Variants in SPATA6L observed in about 807,000 individuals in gnomAD.
SPATA6L encodes the protein spermatogenesis associated 6 like.
In SPATA6L, 68 loss-of-function variants were observed where a neutral mutation model predicts 49.2. That is an observed-to-expected ratio of 1.38 (90% confidence interval 1.14 to 1.69). The LOEUF is 1.69. Ranked by LOEUF, SPATA6L falls within the 40% of genes most tolerant of loss-of-function variation. SPATA6L has a pLI of 0.00. For synonymous variants in SPATA6L, 198 were observed against 165.7 expected (o/e 1.19, Z -1.50); for missense variants, 668 against 464.3 (o/e 1.44, Z -4.03).
chr9:4,658,706 T>G (rs1838876953), intron 2 of SPATA6L, among the ~76,000 whole-genome samples: 1 of 152,124 alleles, frequency 6.6e-6, no homozygotes, highest in Non-Finnish European at 1.5e-5. Flanking sequence ...TTAAAGACTT[T>G]TACAGGCCAG....
rs193091207 is a variant in SPATA6L, at chr9:4,601,543, G to A, written c.*2-734C>T. On this transcript the variant is annotated intron_variant, in intron 11 of 11. Coordinates refer to ENST00000682582, the MANE Select transcript of SPATA6L (RefSeq NM_001353486.2). ...TCTTCCACCCATTCTCTCCCTCTAC[G>A]TGGTCAGACAATGGGACTCATTGTT... 4.5e-3 allele frequency among the ~76,000 whole-genome samples: 683 copies of A among 152,152 alleles called. 1 individual carries two copies. Among genetic ancestry groups the A allele is most frequent in the Non-Finnish European group, 4.9e-3 (333 of 67,996 alleles).
At chr9:4,597,812 C>T (rs1448026293), downstream of SPATA6L, among the ~76,000 whole-genome samples, 7 of 152,160 alleles carry the variant, frequency 4.6e-5, no homozygotes, top group Non-Finnish European at 7.3e-5. Flanking sequence ...CAGTCCCATC[C>T]GGTGGTACTA....
intron 5 of SPATA6L, chr9:4,627,078 AACAG>A (rs1433754201): frequency 2.6e-5 from 4 of 152,358 alleles, no homozygotes. Context: ...GGGAAAAAAA[AACAG>A]ACAGTGTGGT....
intron 3 of SPATA6L, among the ~76,000 whole-genome samples, chr9:4,636,546 G>C (rs1832844103): frequency 6.6e-6 from 1 of 152,130 alleles, no homozygotes; most frequent in Admixed American, 6.6e-5. Context: ...ACTGAGAGTG[G>C]TCCCCGCACA....
intron 3 of SPATA6L, among the ~76,000 whole-genome samples, chr9:4,649,254 T>A (rs945968483): frequency 6.6e-6 from 1 of 152,214 alleles, no homozygotes; most frequent in East Asian, 1.9e-4. Context: ...AGCAGTGGGA[T>A]TGCTGGATCA....
chr9:4,656,413 T>C (rs1838197688), intron 2 of SPATA6L, among the ~76,000 whole-genome samples: 1 of 139,810 alleles, frequency 7.2e-6, no homozygotes, highest in Non-Finnish European at 1.5e-5. Flanking sequence ...CATTCCAGCA[T>C]GGGAGAAAGA....
At chr9:4,611,677 G>C (rs1199756092) in intron 9 of SPATA6L, among the ~76,000 whole-genome samples, 2 of 149,656 alleles carry the variant, frequency 1.3e-5, no homozygotes, top group East Asian at 2.0e-4. Flanking sequence ...AGGGATAGCA[G>C]TGGGAGATAC....
downstream of SPATA6L, among the ~76,000 whole-genome samples, chr9:4,598,309 A>C (rs1372330169): frequency 6.6e-6 from 1 of 152,228 alleles, no homozygotes; most frequent in African/African-American, 2.4e-5. Flanking sequence ...AGCAAGACAG[A>C]TGGGAATTCT....
At chr9:4,612,356 T>C (rs898862501) in intron 9 of SPATA6L, among the ~76,000 whole-genome samples, 3 of 152,156 alleles carry the variant, frequency 2.0e-5, no homozygotes, top group Admixed American at 6.6e-5. Context: ...AACTGAACCA[T>C]AGGTTTGACA....
rs765538292 is a variant in SPATA6L at position 4,662,897 on chromosome 9, G to C, written c.40-861C>G. 4 of 1,608,280 alleles carry C rather than the reference G, an allele frequency of 2.5e-6. No homozygotes were observed. The highest frequency in any genetic ancestry group is 2.7e-5 in the African/African-American group (2 of 74,930). ...TGATGAACCTGCTCTTCGCCCTGCT[G>C]TTGGACCTGCTGCTGGTGGCCTTGA... On this transcript the variant is annotated intron_variant, in intron 1 of 11. Transcript: ENST00000682582. The surrounding 1 kb of genome is among the most constrained non-coding windows in gnomAD (Gnocchi z 4.9).
intron 9 of SPATA6L, among the ~76,000 whole-genome samples, chr9:4,611,885 C>A (rs1257081021): frequency 6.6e-6 from 1 of 151,912 alleles, no homozygotes; most frequent in Non-Finnish European, 1.5e-5. Context: ...AGATTATCAC[C>A]CAGGCTAACG....
intron 3 of SPATA6L, among the ~76,000 whole-genome samples, chr9:4,641,664 G>A (rs1455124654): frequency 6.6e-6 from 1 of 152,164 alleles, no homozygotes; most frequent in Admixed American, 6.5e-5. Context: ...ACAATCAGAA[G>A]GTCCAACTAT....
chr9:4,659,399 G>A (rs891466168), intron 2 of SPATA6L, among the ~76,000 whole-genome samples: 15 of 151,644 alleles, frequency 9.9e-5, no homozygotes, highest in African/African-American at 2.7e-4. Context: ...AACAGAGAGC[G>A]AAATCATGAG....
At chr9:4,627,722 A>G in intron 5 of SPATA6L, 1 of 1,288,770 alleles carries the variant, frequency 7.8e-7, no homozygotes, top group Non-Finnish European at 1.0e-6. Flanking sequence ...GAGGTAGTAC[A>G]CATGGATGCC....
At chr9:4,613,342 T>C (rs993585823) in intron 9 of SPATA6L, among the ~76,000 whole-genome samples, 2 of 152,126 alleles carry the variant, frequency 1.3e-5, no homozygotes, top group Admixed American at 6.6e-5. Context: ...GGCTACCATA[T>C]GAATGACCTC....
At chr9:4,628,631 G>C (rs1048070824) in intron 5 of SPATA6L, 1 of 155,300 alleles carries the variant, frequency 6.4e-6, no homozygotes, top group Non-Finnish European at 1.4e-5. Context: ...ATTTTTGGTA[G>C]AGGTGGGGTT....
Position 4,666,294 on chromosome 9 carries a change from T to TA in SPATA6L, c.-45_-44insT, listed in dbSNP as rs1563757354. 1.9e-6 allele frequency: 3 copies of TA among 1,611,804 alleles called. No individual in the cohort carries two copies. In the African/African-American group the frequency reaches 4.0e-5, roughly 22 times the overall value. On this transcript the variant is annotated 5_prime_UTR_variant, in exon 1 of 12. Transcript: ENST00000682582. ...AAGGACTGGAATGAGAAGATCCTTTTGTGCCGAGCCTTGGACCAATTTTTC... is the reference window on the plus strand; with the variant it reads ...AAGGACTGGAATGAGAAGATCCTTTTAGTGCCGAGCCTTGGACCAATTTTTC...
intron 4 of SPATA6L, among the ~76,000 whole-genome samples, chr9:4,634,615 T>G (rs1832387885): frequency 6.6e-6 from 1 of 152,216 alleles, no homozygotes; most frequent in Non-Finnish European, 1.5e-5. Context: ...TCAAAATATT[T>G]TTTATAATTC....
downstream of SPATA6L, among the ~76,000 whole-genome samples, chr9:4,595,255 G>A (rs1207499247): frequency 1.3e-5 from 2 of 152,230 alleles, no homozygotes; most frequent in Admixed American, 6.5e-5. Context: ...ACACCCACAG[G>A]TTTTTAAGCA....
Sources: allele counts gnomAD v4.1 joint callset (sites outside exome capture counted in the v4.1 genomes callset), GRCh38; gene constraint gnomAD v4.1.1; non-coding constraint Gnocchi (gnomAD v3.1); transcripts MANE v1.5; gene names NCBI Gene and HGNC (gene_info 2026-07-23, HGNC 2026-07-21).